The following SPDYE14 variants were observed in gnomAD, a reference collection of about 807,000 sequenced individuals.
SPDYE14 encodes speedy protein E14.
chr7:75,245,414 G>A, the SPDYE14 span, among the ~76,000 whole-genome samples: 1 of 115,716 alleles, frequency 8.6e-6, no homozygotes, highest in South Asian at 3.2e-4. Context: ...GAGTGAGTGA[G>A]ACTATGTCTC....
At chr7:75,238,091 G>C in the SPDYE14 span, among the ~76,000 whole-genome samples, 2 of 127,962 alleles carry the variant, frequency 1.6e-5, no homozygotes, top group African/African-American at 5.2e-5. Context: ...TGAGAGTGCG[G>C]AGAAGCCAAA....
chr7:75,275,741 A>T, the SPDYE14 span, among the ~76,000 whole-genome samples: 6 of 10,298 alleles, frequency 5.8e-4, 2 homozygotes, highest in African/African-American at 9.7e-4. Flanking sequence ...AAATAAATTA[A>T]AAAAAAAAAA....
At chr7:75,275,739 T>TA in the SPDYE14 span, among the ~76,000 whole-genome samples, 12 of 14,552 alleles carry the variant, frequency 8.2e-4, 2 homozygotes, top group African/African-American at 1.5e-3. Context: ...AAAAATAAAT[T>TA]AAAAAAAAAA....
chr7:75,268,713 TACAAAAAA>T, the SPDYE14 span, among the ~76,000 whole-genome samples: 42 of 53,576 alleles, frequency 7.8e-4, 1 homozygote, highest in East Asian at 5.1e-3. Context: ...ACCCTATCTC[TACAAAAAA>T]ACAAAAAAAC....
chr7:75,273,660 C>G, the SPDYE14 span, among the ~76,000 whole-genome samples: 12 of 60,466 alleles, frequency 2.0e-4, 5 homozygotes, highest in Non-Finnish European at 3.4e-4. Flanking sequence ...TCTGATGACT[C>G]TTCTCGAAAG....
the SPDYE14 span, among the ~76,000 whole-genome samples, chr7:75,244,129 G>A: frequency 5.6e-5 from 3 of 53,326 alleles, 1 homozygote; most frequent in African/African-American, 1.5e-4. Flanking sequence ...ATGGAGTCTT[G>A]CTTTGTCACC....
chr7:75,275,149 T>C, the SPDYE14 span, among the ~76,000 whole-genome samples: 1 of 57,730 alleles, frequency 1.7e-5, no homozygotes, highest in Non-Finnish European at 4.5e-5. Flanking sequence ...GTCCGGGAGG[T>C]GAGGGGCGCC....
the SPDYE14 span, among the ~76,000 whole-genome samples, chr7:75,241,698 T>A: frequency 0.019 from 606 of 31,324 alleles, 19 homozygotes; most frequent in Non-Finnish European, 0.033. Context: ...TATATATATT[T>A]TTTTTTTTTT....
the SPDYE14 span, among the ~76,000 whole-genome samples, chr7:75,273,741 G>A: frequency 5.0e-5 from 3 of 59,666 alleles, 1 homozygote; most frequent in African/African-American, 1.2e-4. Flanking sequence ...CAAACTTCTT[G>A]CCTCCAAATA....
At chr7:75,279,179 AGG>A in the SPDYE14 span, among the ~76,000 whole-genome samples, 8,976 of 86,272 alleles carry the variant, frequency 0.1, 160 homozygotes, top group Middle Eastern at 0.18. Flanking sequence ...TGTTCTAGAG[AGG>A]TGTGTGTGCA....
the SPDYE14 span, among the ~76,000 whole-genome samples, chr7:75,265,070 C>T: frequency 4.9e-5 from 2 of 40,630 alleles, no homozygotes; most frequent in African/African-American, 1.4e-4. Context: ...TTCCCCTTCC[C>T]CTTCCTCTCC....
chr7:75,258,670 C>CA, the SPDYE14 span, among the ~76,000 whole-genome samples: 2 of 57,844 alleles, frequency 3.5e-5, no homozygotes, highest in Non-Finnish European at 8.4e-5. Flanking sequence ...CTCCACACCC[C>CA]TGCTACTCAT....
the SPDYE14 span, among the ~76,000 whole-genome samples, chr7:75,240,281 T>A: frequency 1.9e-5 from 1 of 51,506 alleles, no homozygotes; most frequent in Non-Finnish European, 4.4e-5. Context: ...CCTGAAGGCA[T>A]AAAATTCAGT....
chr7:75,262,230 TAAATA>T, the SPDYE14 span, among the ~76,000 whole-genome samples: 7 of 60,226 alleles, frequency 1.2e-4, no homozygotes, highest in African/African-American at 2.5e-4. Context: ...ACTAACTAAA[TAAATA>T]AAACAAACAA....
At chr7:75,246,641 CAAA>C in the SPDYE14 span, among the ~76,000 whole-genome samples, 1 of 8,396 alleles carries the variant, frequency 1.2e-4, no homozygotes. Flanking sequence ...GACTCTGTCT[CAAA>C]AAAAAAAAAA....
At chr7:75,249,889 C>T in the SPDYE14 span, among the ~76,000 whole-genome samples, 2 of 121,586 alleles carry the variant, frequency 1.6e-5, no homozygotes, top group Admixed American at 1.7e-4. Context: ...AGGCTGGTCT[C>T]GAACTCCTGA....
At chr7:75,300,514 C>G in the SPDYE14 span, among the ~76,000 whole-genome samples, 5 of 4,630 alleles carry the variant, frequency 1.1e-3, no homozygotes, top group African/African-American at 2.0e-3. Flanking sequence ...TATAACTATT[C>G]CTTATACACA....
the SPDYE14 span, among the ~76,000 whole-genome samples, chr7:75,274,854 G>A: frequency 1.3e-5 from 1 of 77,480 alleles, no homozygotes; most frequent in African/African-American, 3.7e-5. Flanking sequence ...TACATTTTAA[G>A]ATATAAAACT....
the SPDYE14 span, among the ~76,000 whole-genome samples, chr7:75,275,854 C>G: frequency 4.9e-5 from 2 of 40,406 alleles, 1 homozygote; most frequent in Non-Finnish European, 1.2e-4. Flanking sequence ...AACTGTCCTC[C>G]CCTTCCCCTC....
Sources: gnomAD v4.1 joint callset for allele counts (sites outside exome capture counted in the v4.1 genomes callset) on GRCh38, gnomAD v4.1.1 for gene constraint, MANE v1.5 for transcripts, NCBI Gene and HGNC (gene_info 2026-07-23, HGNC 2026-07-21) for gene names.